Variants in ANTXR2 observed in about 807,000 individuals in gnomAD.
The protein encoded by ANTXR2 is anthrax toxin receptor 2.
In ANTXR2, 44 loss-of-function variants were observed where a neutral mutation model predicts 73.7. That is an observed-to-expected ratio of 0.60 (90% CI 0.47 to 0.77). The LOEUF is 0.77. Among genes scored for constraint, ANTXR2 ranks in the 30% least tolerant of loss-of-function variants. The pLI is 0.00. For synonymous variants in ANTXR2, 217 were observed against 205.9 expected, an observed-to-expected ratio of 1.05 and a Z score of -0.46; for missense variants, 604 against 592.5, an observed-to-expected ratio of 1.02 and a Z score of -0.20.
At chr4:80,043,423 A>G (rs1254205860) in intron 7 of ANTXR2, among the ~76,000 whole-genome samples, 1 of 152,046 alleles carries the variant, frequency 6.6e-6, no homozygotes, top group Non-Finnish European at 1.5e-5. Flanking sequence ...ATGTATTAAC[A>G]TGAGAAATTC....
intron 16 of ANTXR2, among the ~76,000 whole-genome samples, chr4:79,930,046 C>G (rs1727996322): frequency 6.6e-6 from 1 of 152,142 alleles, no homozygotes; most frequent in Non-Finnish European, 1.5e-5. Context: ...AAGTAAGTGG[C>G]AGGACCAAGA....
intron 12 of ANTXR2, among the ~76,000 whole-genome samples, chr4:80,002,295 A>G (rs1204524857): frequency 6.6e-6 from 1 of 152,172 alleles, no homozygotes; most frequent in Non-Finnish European, 1.5e-5. Context: ...ACCTGACAAA[A>G]ACAAGCAATG....
intron 12 of ANTXR2, among the ~76,000 whole-genome samples, chr4:80,001,779 A>C (rs2110046122): frequency 6.6e-6 from 1 of 151,492 alleles, no homozygotes; most frequent in Admixed American, 6.6e-5. Flanking sequence ...CTTCCTGTTG[A>C]ATTGATCCCT....
At chr4:79,981,230 A>G (rs1268065689) in intron 14 of ANTXR2, among the ~76,000 whole-genome samples, 1 of 152,214 alleles carries the variant, frequency 6.6e-6, no homozygotes, top group Admixed American at 6.5e-5. Context: ...GTGTATTTTT[A>G]TATACAGGTT....
In ANTXR2 at chr4:79,906,562, T is replaced by C. The variant is rs1356829220; in HGVS notation, c.*867A>G. Reference sequence around the variant, plus strand: ...CAAAACAAACTTCTAGGTATGTTTATGGATATTAATGCTTTATGCACTACT... The same window carrying C: ...CAAAACAAACTTCTAGGTATGTTTACGGATATTAATGCTTTATGCACTACT... On this transcript the variant is annotated 3_prime_UTR_variant, in exon 17 of 17. Transcript: ENST00000403729. 6.6e-6 allele frequency: 1 copy of C among 152,602 alleles called. No homozygotes were observed. The highest frequency in any genetic ancestry group is 2.4e-5 in the African/African-American group (1 of 41,456). 9.5% of individuals were successfully genotyped at this position (152,602 alleles called of 1,614,324 possible).
rs756339141 is a variant in ANTXR2 at position 79,983,857 on chromosome 4, AT to A, written c.1179+20del. The A allele has an allele frequency of 4.4e-4, 669 of 1,521,774 alleles. No homozygotes were observed. Among genetic ancestry groups the A allele is most frequent in the Non-Finnish European group, 5.0e-4 (548 of 1,102,736 alleles). 94.3% of individuals were successfully genotyped at this position (1,521,774 alleles called of 1,614,324 possible). A position where few individuals can be genotyped will look rare whatever the true frequency, so the allele number is the denominator to read the frequency against. ...TACATACTCCAGATTAGCAGCTTCT[AT>A]TTTTTTTTAAGATACCAACCTCCAT... On this transcript the variant is annotated intron_variant, in intron 14 of 16. Transcript: ENST00000403729.
chr4:80,033,703 G>A (rs1044273685), intron 8 of ANTXR2, 133 bp from the exon 9 acceptor site: 2 of 644,428 alleles, frequency 3.1e-6, no homozygotes, highest in African/African-American at 3.9e-5. Context: ...TAGCAATGAA[G>A]ACATAGCTCT....
chr4:80,031,841 G>C (rs954792734), intron 9 of ANTXR2, 149 bp from the exon 10 acceptor site: 15 of 417,098 alleles, frequency 3.6e-5, no homozygotes, highest in Non-Finnish European at 6.0e-5. Flanking sequence ...AGAAGTGAAA[G>C]GGAATGAAAA....
rs541050461 is a variant in ANTXR2 at position 79,962,196 on chromosome 4, C to T, written c.1428+15425G>A. 8.5e-4 allele frequency among the ~76,000 whole-genome samples: 129 copies of T among 152,100 alleles called. 1 individual carries two copies. The highest frequency in any genetic ancestry group is 6.0e-3 in the South Asian group (29 of 4,826). ...ATGAATTTGTTATTTTCCACTGAAA[C>T]AGTTCATGATATACACAGTGAGCAA... is the stretch of plus-strand genomic sequence containing the variant. On this transcript the variant is annotated intron_variant, in intron 16 of 16. Coordinates refer to ENST00000403729, the MANE Select transcript of ANTXR2 (RefSeq NM_058172.6).
chr4:80,068,688 C>G (rs933731916), intron 3 of ANTXR2, among the ~76,000 whole-genome samples: 4 of 152,138 alleles, frequency 2.6e-5, no homozygotes, highest in Admixed American at 1.3e-4. Flanking sequence ...ATGAGAATTG[C>G]TTGAACCTGG....
chr4:79,928,934 C>T (rs1560871037), intron 16 of ANTXR2, among the ~76,000 whole-genome samples: 1 of 152,134 alleles, frequency 6.6e-6, no homozygotes, highest in Non-Finnish European at 1.5e-5. Flanking sequence ...ATTTTAGAAA[C>T]ATCATTATCC....
At chr4:80,064,697 C>T (rs1401855106) in intron 3 of ANTXR2, among the ~76,000 whole-genome samples, 2 of 152,016 alleles carry the variant, frequency 1.3e-5, no homozygotes, top group African/African-American at 4.8e-5. Flanking sequence ...ATGAGGAGAA[C>T]GAGCCAGCTA....
intron 16 of ANTXR2, among the ~76,000 whole-genome samples, chr4:79,951,474 G>T (rs895030281): frequency 6.6e-6 from 1 of 152,084 alleles, no homozygotes; most frequent in African/African-American, 2.4e-5. Flanking sequence ...TACTCAGGAG[G>T]CTGAGGCAGG....
chr4:80,022,862 T>C (rs979181548), intron 10 of ANTXR2, among the ~76,000 whole-genome samples: 1 of 152,204 alleles, frequency 6.6e-6, no homozygotes, highest in Non-Finnish European at 1.5e-5. Flanking sequence ...ACTCCATTTT[T>C]AATCTTCCAT....
chr4:79,960,209 AG>A (rs1322861038), intron 16 of ANTXR2, among the ~76,000 whole-genome samples: 1 of 152,186 alleles, frequency 6.6e-6, no homozygotes, highest in East Asian at 1.9e-4. Context: ...CATTCATGTC[AG>A]GAAATGGCTC....
intron 16 of ANTXR2, among the ~76,000 whole-genome samples, chr4:79,937,700 T>A (rs1325287042): frequency 6.6e-6 from 1 of 151,942 alleles, no homozygotes; most frequent in African/African-American, 2.4e-5. Flanking sequence ...GTGATAGTGT[T>A]TTTAAAACCC....
Position 79,977,587 on chromosome 4 carries a change from T to G in ANTXR2, c.1428+34A>C, listed in dbSNP as rs201551818. The G allele has an allele frequency of 4.2e-5, 66 of 1,556,042 alleles. No homozygotes were observed. In the African/African-American group the frequency reaches 8.2e-4, roughly 19 times the overall value. On this transcript the variant is annotated intron_variant, in intron 16 of 16. Coordinates refer to ENST00000403729, the MANE Select transcript of ANTXR2 (RefSeq NM_058172.6). Reference sequence around the variant, plus strand: ...GCCTCCATTATACTGACTCAAGCAGTTAGCTCTTTCTCAATACATTCCCAT... The same window carrying G: ...GCCTCCATTATACTGACTCAAGCAGGTAGCTCTTTCTCAATACATTCCCAT...
At chr4:80,023,567 G>A (rs1732277803) in intron 10 of ANTXR2, among the ~76,000 whole-genome samples, 1 of 152,196 alleles carries the variant, frequency 6.6e-6, no homozygotes. Flanking sequence ...TTAGGCACAG[G>A]GGTTCTAGAG....
At chr4:79,980,675 A>T (rs1338779772) in intron 14 of ANTXR2, among the ~76,000 whole-genome samples, 1 of 152,168 alleles carries the variant, frequency 6.6e-6, no homozygotes, top group African/African-American at 2.4e-5. Flanking sequence ...CACACATTTG[A>T]AGTCATTAGG....
Sources: allele counts gnomAD v4.1 joint callset (sites outside exome capture counted in the v4.1 genomes callset), GRCh38; gene constraint gnomAD v4.1.1; transcripts MANE v1.5; gene names NCBI Gene and HGNC (gene_info 2026-07-23, HGNC 2026-07-21).